Variants in CENPQ observed in about 807,000 individuals in gnomAD.
CENPQ encodes chromosome 6 open reading frame 139.
A neutral mutation model predicts 36.6 loss-of-function variants in CENPQ; 27 were observed. That is an observed-to-expected ratio of 0.74 (90% confidence interval 0.54 to 1.02). CENPQ has a LOEUF of 1.02. Ranked by LOEUF, CENPQ falls within the 50% of genes least tolerant of loss-of-function variation. The probability of loss-of-function intolerance (pLI) is 0.00; values close to 1 mark genes in which losing one functional copy is unlikely to be tolerated. For synonymous variants in CENPQ, 101 were observed against 101.7 expected (o/e 0.99, Z 0.04); for missense variants, 306 against 301.8 (o/e 1.01, Z -0.10).
chr6:49,474,901 A>C (rs901427176), intron 5 of CENPQ, among the ~76,000 whole-genome samples: 16 of 152,200 alleles, frequency 1.1e-4, no homozygotes, highest in Admixed American at 4.6e-4. Context: ...TAAAATAGAA[A>C]ATCTAGAAGA....
At position 49,483,517 on chromosome 6, in the gene CENPQ, G is replaced by A. The variant is rs188824897; in HGVS notation, c.477+2437G>A. On this transcript the variant is annotated intron_variant, in intron 6 of 8. Transcript: ENST00000335783. ...TCCTGCTGCACAGGAACCCTCTGAGGGGGGAGGCTCAGGCATGTCGGGCTG... is the reference window on the plus strand; with the variant it reads ...TCCTGCTGCACAGGAACCCTCTGAGAGGGGAGGCTCAGGCATGTCGGGCTG... Among the ~76,000 whole-genome samples, 3 of 152,268 alleles carry A rather than the reference G, an allele frequency of 2.0e-5. 1 individual carries two copies. Among genetic ancestry groups the A allele is most frequent in the African/African-American group, 2.4e-5 (1 of 41,570 alleles).
At chr6:49,484,901 A>T (rs572846970) in intron 6 of CENPQ, among the ~76,000 whole-genome samples, 2 of 152,326 alleles carry the variant, frequency 1.3e-5, no homozygotes, top group African/African-American at 4.8e-5. Context: ...AAGTATAATC[A>T]TGGAGAATTT....
chr6:49,465,213 A>G (rs1396975467), intron 1 of CENPQ, among the ~76,000 whole-genome samples: 1 of 152,180 alleles, frequency 6.6e-6, no homozygotes, highest in Non-Finnish European at 1.5e-5. Flanking sequence ...TTTGAAAGGA[A>G]TCTTTTTGTG....
intron 5 of CENPQ, among the ~76,000 whole-genome samples, chr6:49,478,627 T>G (rs1395542087): frequency 6.6e-6 from 1 of 152,192 alleles, no homozygotes; most frequent in Non-Finnish European, 1.5e-5. Flanking sequence ...TTAGCTTCAG[T>G]TAGAAAATTC....
chr6:49,477,536 T>C (rs1394797202), intron 5 of CENPQ, among the ~76,000 whole-genome samples: 1 of 151,004 alleles, frequency 6.6e-6, no homozygotes, highest in Non-Finnish European at 1.5e-5. Flanking sequence ...TGCACAGTTG[T>C]GCACATGTAC....
chr6:49,488,575 T>C, intron 7 of CENPQ, 32 bp from the exon 8 acceptor site: 1 of 1,603,364 alleles, frequency 6.2e-7, no homozygotes, highest in Non-Finnish European at 8.5e-7. Context: ...AATCAGCTTT[T>C]TGAAATAATC....
At chr6:49,473,847 A>C (rs534376674) in intron 5 of CENPQ, among the ~76,000 whole-genome samples, 1 of 152,272 alleles carries the variant, frequency 6.6e-6, no homozygotes, top group South Asian at 2.1e-4. Context: ...ATGGAAAACA[A>C]AAAAAGGCAG....
At position 49,476,360 on chromosome 6, in the gene CENPQ, G is replaced by T. The variant is rs533375076; in HGVS notation, c.347+3502G>T. On this transcript the variant is annotated intron_variant, in intron 5 of 8. Coordinates refer to ENST00000335783, the MANE Select transcript of CENPQ (RefSeq NM_018132.4). ...TTTAATAAATGGTGCTGGGAAAACT[G>T]GCTAGCCATATGTAGAAAGCTGAAA... 3.3e-5 allele frequency among the ~76,000 whole-genome samples: 5 copies of T among 152,220 alleles called. No homozygotes were observed. The South Asian group carries it at 1.0e-3, about 32-fold the overall frequency.
chr6:49,467,792 A>T (rs1283119818), intron 1 of CENPQ, among the ~76,000 whole-genome samples: 1 of 152,206 alleles, frequency 6.6e-6, no homozygotes, highest in Non-Finnish European at 1.5e-5. Flanking sequence ...CTTAGAGAGA[A>T]ATGAAGTAGA....
At chr6:49,467,352 G>A (rs1221213544) in intron 1 of CENPQ, among the ~76,000 whole-genome samples, 4 of 152,182 alleles carry the variant, frequency 2.6e-5, no homozygotes, top group Non-Finnish European at 4.4e-5. Flanking sequence ...GTAATATGAT[G>A]TGTCAACAAT....
intron 6 of CENPQ, among the ~76,000 whole-genome samples, chr6:49,487,441 A>G (rs927551357): frequency 2.7e-5 from 4 of 150,812 alleles, no homozygotes; most frequent in Non-Finnish European, 4.4e-5. Flanking sequence ...TGACCCCTGC[A>G]GCTACCCTTT....
In CENPQ at chr6:49,492,207, A is replaced by G; in HGVS notation, c.739A>G (p.Asn247Asp). The change falls in exon 9 of 9, where the codon AAT (asparagine) becomes GAT (aspartate). Residue 247 changes from asparagine to aspartate, a missense_variant. Asn to Asp is a conservative substitution (Grantham distance 23). Coordinates refer to ENST00000335783, the MANE Select transcript of CENPQ (RefSeq NM_018132.4). ...TCTAAAGGACTTGGATATTCTTCAT[A>G]ATTCATCACAGATGAAGAGCATGTC... ...ALLKDLDILHNSSQMKSMSTF... is the reference protein window; with the variant it reads ...ALLKDLDILHDSSQMKSMSTF... 2.5e-6 allele frequency: 4 copies of G among 1,608,318 alleles called. No individual in the cohort carries two copies. Among genetic ancestry groups the G allele is most frequent in the Non-Finnish European group, 3.4e-6 (4 of 1,177,502 alleles).
At chr6:49,480,767 T>C (rs1179471691) in intron 5 of CENPQ, among the ~76,000 whole-genome samples, 184 bp from the exon 6 acceptor site, 1 of 152,102 alleles carries the variant, frequency 6.6e-6, no homozygotes, top group Non-Finnish European at 1.5e-5. Context: ...CTTAATAAAT[T>C]GAAAGGCTAA....
chr6:49,492,253 A>T lies in CENPQ; in HGVS notation c.785A>T (p.Tyr262Phe), dbSNP rs138354924. 1 of 1,598,832 alleles carries T rather than the reference A, an allele frequency of 6.3e-7. No homozygotes were observed. Among genetic ancestry groups the T allele is most frequent in the Non-Finnish European group, 8.5e-7 (1 of 1,174,924 alleles). ...ATGTCAACCTTCATTGAAGAAGCCTATAAGAAACTGGATGCATCTTAAAGA... is the reference window on the plus strand; with the variant it reads ...ATGTCAACCTTCATTGAAGAAGCCTTTAAGAAACTGGATGCATCTTAAAGA... ...KSMSTFIEEA[Y>F]KKLDAS Residue 262 changes from tyrosine (Y) to phenylalanine (F), a missense_variant, in exon 9 of 9, where the codon TAT (tyrosine) becomes TTT (phenylalanine). Physicochemically the swap from Tyr to Phe is conservative, Grantham distance 22. Coordinates refer to ENST00000335783, the MANE Select transcript of CENPQ (RefSeq NM_018132.4).
At chr6:49,482,448 C>G (rs1768460281) in intron 6 of CENPQ, among the ~76,000 whole-genome samples, 1 of 152,194 alleles carries the variant, frequency 6.6e-6, no homozygotes, top group African/African-American at 2.4e-5. Flanking sequence ...ACCACTCTAG[C>G]TACTTCCTGC....
At chr6:49,472,731 A>G in intron 4 of CENPQ, 59 bp from the exon 5 acceptor site, 3 of 1,301,190 alleles carry the variant, frequency 2.3e-6, no homozygotes, top group Non-Finnish European at 3.0e-6. Context: ...GAAAAAGTAC[A>G]AAGAGTATAT....
chr6:49,491,619 T>A (rs1014805795), intron 8 of CENPQ, among the ~76,000 whole-genome samples: 5 of 152,164 alleles, frequency 3.3e-5, no homozygotes, highest in Non-Finnish European at 7.4e-5. Flanking sequence ...AGAAGTAATT[T>A]GAAATTTTCC....
rs151020328 is a variant in CENPQ, at chr6:49,473,315, TG to T, written c.347+459del. 8.1e-3 allele frequency among the ~76,000 whole-genome samples: 1,229 copies of T among 152,322 alleles called. 20 individuals are homozygous for T. The highest frequency in any genetic ancestry group is 0.028 in the African/African-American group (1,156 of 41,568). ...TCTTCATCTTATGGTAAATCACCAA[TG>T]GAGATTTCTTCTCAGGAGTTCTTAA... On this transcript the variant is annotated intron_variant, in intron 5 of 8. Coordinates refer to ENST00000335783, the MANE Select transcript of CENPQ (RefSeq NM_018132.4).
intron 5 of CENPQ, among the ~76,000 whole-genome samples, chr6:49,477,284 G>T (rs568859063): frequency 2.5e-4 from 38 of 152,066 alleles, no homozygotes; most frequent in Admixed American, 1.6e-3. Context: ...CATGGATGAA[G>T]CTGGAAACCA....
Sources: gnomAD v4.1 joint callset for allele counts (sites outside exome capture counted in the v4.1 genomes callset) on GRCh38, gnomAD v4.1.1 for gene constraint, MANE v1.5 for transcripts, NCBI Gene and HGNC (gene_info 2026-07-23, HGNC 2026-07-21) for gene names.